NTSR1: variants seen among roughly 807,000 people sequenced by gnomAD.
The protein encoded by NTSR1 is neurotensin receptor type 1.
A neutral mutation model predicts 31.2 loss-of-function variants in NTSR1; 29 were observed. The ratio of observed to expected loss-of-function variants is 0.93; its 90% CI spans 0.69 to 1.27. The LOEUF (loss-of-function observed/expected upper bound fraction) is 1.27, where lower values mean the gene tolerates loss of function less well. Among genes scored for constraint, NTSR1 ranks in the 50% most tolerant of loss-of-function variants. NTSR1 has a pLI of 0.00. For missense variants in NTSR1, 697 were observed against 595.4 expected (o/e 1.17, Z -1.78); for synonymous variants, 282 against 269.9 (o/e 1.04, Z -0.44).
intron 1 of NTSR1, among the ~76,000 whole-genome samples, chr20:62,713,043 C>G (rs1424210360): frequency 6.6e-6 from 1 of 152,164 alleles, no homozygotes; most frequent in Non-Finnish European, 1.5e-5. Flanking sequence ...GTGGCTGCAG[C>G]CTTTGAAACA....
chr20:62,721,369 TTTCCATGG>T (rs1212674532), intron 1 of NTSR1, among the ~76,000 whole-genome samples: 1 of 152,222 alleles, frequency 6.6e-6, no homozygotes, highest in Non-Finnish European at 1.5e-5. Flanking sequence ...GTTAGTCCCA[TTTCCATGG>T]TTCTTTTTCT....
At chr20:62,750,555 G>C (rs573824431) in intron 1 of NTSR1, among the ~76,000 whole-genome samples, 14 of 152,198 alleles carry the variant, frequency 9.2e-5, no homozygotes, top group Middle Eastern at 3.4e-3. Flanking sequence ...GCTGGGCATG[G>C]TGGCGGGCGC....
chr20:62,760,863 G>A lies in NTSR1; in HGVS notation c.*596G>A, dbSNP rs1309643200. ...TGGCAAGCTGGGGGCCCATCGCCGT[G>A]GGGAGTCCCTCCCACCACCCTCGCC... is the stretch of plus-strand genomic sequence containing the variant. On this transcript the variant is annotated 3_prime_UTR_variant, in exon 4 of 4. Coordinates refer to ENST00000370501, the MANE Select transcript of NTSR1 (RefSeq NM_002531.3). 6.5e-6 allele frequency: 1 copy of A among 152,732 alleles called. No homozygotes were observed. Among genetic ancestry groups the A allele is most frequent in the East Asian group, 1.9e-4 (1 of 5,186 alleles). 9.5% of individuals were successfully genotyped at this position (152,732 alleles called of 1,614,324 possible).
rs190055795 is a variant in NTSR1, at chr20:62,719,021, G to T, written c.714+9100G>T. Among the ~76,000 whole-genome samples the T allele has an allele frequency of 9.9e-5, 15 of 152,024 alleles. 1 individual carries two copies. The highest frequency in any genetic ancestry group is 7.9e-4 in the Admixed American group (12 of 15,264). ...TCACTCTGCATCCTGGCCAGCTCCT[G>T]GTCTTGCCTCACTGCTCTGGCTATG... is the stretch of plus-strand genomic sequence containing the variant. On this transcript the variant is annotated intron_variant, in intron 1 of 3. Coordinates refer to ENST00000370501, the MANE Select transcript of NTSR1 (RefSeq NM_002531.3).
chr20:62,709,951 C>T, intron 1 of NTSR1, 30 bp downstream of exon 1: 4 of 1,500,926 alleles, frequency 2.7e-6, no homozygotes, highest in South Asian at 1.3e-5. Context: ...CCCGGGGCTC[C>T]CCTCTCCTTC....
Position 62,709,947 on chromosome 20 carries a change from G to A in NTSR1, c.714+26G>A, listed in dbSNP as rs376638007. 22 of 1,528,714 alleles carry A rather than the reference G, an allele frequency of 1.4e-5. No homozygotes were observed. The Admixed American group carries it at 2.1e-4, about 15-fold the overall frequency. 94.7% of individuals were successfully genotyped at this position (1,528,714 alleles called of 1,614,324 possible). On this transcript the variant is annotated intron_variant, in intron 1 of 3. Coordinates refer to ENST00000370501, the MANE Select transcript of NTSR1 (RefSeq NM_002531.3). ...GTGAGCCTCAGTAACCAGCCCCGGG[G>A]CTCCCCTCTCCTTCACCCCAAAAGC... is the stretch of plus-strand genomic sequence containing the variant.
In NTSR1 at chr20:62,745,255, A is replaced by G. The variant is rs1032044419; in HGVS notation, c.715-9430A>G. Reference sequence around the variant, plus strand: ...GACACAGAGAGGAAAGCAGAGACACAGAGAGACATGGAGAGAGACACAGAG... The same window carrying G: ...GACACAGAGAGGAAAGCAGAGACACGGAGAGACATGGAGAGAGACACAGAG... On this transcript the variant is annotated intron_variant, in intron 1 of 3. Transcript: ENST00000370501. This position sits in a 1 kb window ranked among gnomAD's most constrained non-coding sequence, Gnocchi z 4.1. Among the ~76,000 whole-genome samples the G allele has an allele frequency of 3.3e-5, 5 of 152,208 alleles. No homozygotes were observed. The highest frequency in any genetic ancestry group is 7.2e-5 in the African/African-American group (3 of 41,454).
rs1346308561 is a variant in NTSR1, at chr20:62,715,565, G to A, written c.714+5644G>A. On this transcript the variant is annotated intron_variant, in intron 1 of 3. Transcript: ENST00000370501. The surrounding 1 kb of genome is among the most constrained non-coding windows in gnomAD (Gnocchi z 4.7). Reference sequence around the variant, plus strand: ...GGCTCTGACTGGGCTTGGAGTCCTCGAGAGTGACTTGGCCCAGAGTGGTTC... The same window carrying A: ...GGCTCTGACTGGGCTTGGAGTCCTCAAGAGTGACTTGGCCCAGAGTGGTTC... Among the ~76,000 whole-genome samples, 2 of 152,218 alleles carry A rather than the reference G, an allele frequency of 1.3e-5. No individual in the cohort carries two copies. Among genetic ancestry groups the A allele is most frequent in the South Asian group, 2.1e-4 (1 of 4,834 alleles).
rs1408106195 is a variant in NTSR1 at position 62,709,971 on chromosome 20, G to A, written c.714+50G>A. 40 of 1,394,856 alleles carry A rather than the reference G, an allele frequency of 2.9e-5. No individual in the cohort carries two copies. The Admixed American group carries it at 8.6e-4, about 30-fold the overall frequency. The allele number at this position is 1,394,856 out of a possible 1,614,324, so 86.4% of individuals were successfully genotyped here. A position where few individuals can be genotyped will look rare whatever the true frequency, so the allele number is the denominator to read the frequency against. ...GGCTCCCCTCTCCTTCACCCCAAAA[G>A]CAGTGCCAGTGGTGTGCCTTCTGGG... On this transcript the variant is annotated intron_variant, in intron 1 of 3. Coordinates refer to ENST00000370501, the MANE Select transcript of NTSR1 (RefSeq NM_002531.3).
chr20:62,738,376 T>C (rs1989143122), intron 1 of NTSR1, among the ~76,000 whole-genome samples: 1 of 152,230 alleles, frequency 6.6e-6, no homozygotes, highest in African/African-American at 2.4e-5. Flanking sequence ...GGGAGAAGCC[T>C]GCAGCTGTGG....
rs1334507362 is a variant in NTSR1 at position 62,715,245 on chromosome 20, C to G, written c.714+5324C>G. Among the ~76,000 whole-genome samples, 2 of 152,188 alleles carry G rather than the reference C, an allele frequency of 1.3e-5. No homozygotes were observed. Among genetic ancestry groups the G allele is most frequent in the Non-Finnish European group, 2.9e-5 (2 of 68,040 alleles). ...TGAGAGGGCAGGACAGGGAGGTGAC[C>G]TTGGCCTTGTTCCAGGCACCAGACC... On this transcript the variant is annotated intron_variant, in intron 1 of 3. Coordinates refer to ENST00000370501, the MANE Select transcript of NTSR1 (RefSeq NM_002531.3). The surrounding 1 kb of genome is among the most constrained non-coding windows in gnomAD (Gnocchi z 4.7).
rs1306809384 is a variant in NTSR1 at position 62,761,346 on chromosome 20, C to T, written c.*1079C>T. ...GAAGGAGCGGTGTGTCCAGGCACCGCTGGCCGGCAGCCCTGGGCTGAGGCA... is the reference window on the plus strand; with the variant it reads ...GAAGGAGCGGTGTGTCCAGGCACCGTTGGCCGGCAGCCCTGGGCTGAGGCA... On this transcript the variant is annotated 3_prime_UTR_variant, in exon 4 of 4. Transcript: ENST00000370501. 2.0e-5 allele frequency: 3 copies of T among 152,266 alleles called. No homozygotes were observed. The highest frequency in any genetic ancestry group is 2.9e-5 in the Non-Finnish European group (2 of 68,078). The allele number at this position is 152,266 out of a possible 1,614,324, so 9.4% of individuals were successfully genotyped here. A position where few individuals can be genotyped will look rare whatever the true frequency, so the allele number is the denominator to read the frequency against.
intron 1 of NTSR1, among the ~76,000 whole-genome samples, chr20:62,721,809 G>A (rs1988830997): frequency 6.6e-6 from 1 of 152,198 alleles, no homozygotes; most frequent in Non-Finnish European, 1.5e-5. Context: ...GGAAGCCCGA[G>A]TATTCCATGT....
intron 1 of NTSR1, among the ~76,000 whole-genome samples, chr20:62,747,039 C>CA (rs1989312381): frequency 6.6e-6 from 1 of 152,358 alleles, no homozygotes; most frequent in Middle Eastern, 3.4e-3. Flanking sequence ...AAGGCTCATC[C>CA]ACCATGAGCA....
At chr20:62,726,178 G>T (rs1308187448) in intron 1 of NTSR1, among the ~76,000 whole-genome samples, 1 of 152,168 alleles carries the variant, frequency 6.6e-6, no homozygotes, top group Non-Finnish European at 1.5e-5. Flanking sequence ...CTGTGGGGCT[G>T]CCATTGTCCT....
At chr20:62,746,048 A>G (rs1424651149) in intron 1 of NTSR1, among the ~76,000 whole-genome samples, 1 of 152,228 alleles carries the variant, frequency 6.6e-6, no homozygotes, top group East Asian at 1.9e-4. Context: ...TGAGACGCCT[A>G]GAGAGGTAGA....
chr20:62,739,996 C>A (rs983302034), intron 1 of NTSR1, among the ~76,000 whole-genome samples: 1 of 152,380 alleles, frequency 6.6e-6, no homozygotes, highest in African/African-American at 2.4e-5. Context: ...AGCTGCAGGG[C>A]CTCCCCCTTG....
rs1262095114 is a variant in NTSR1, at chr20:62,745,162, G to C, written c.715-9523G>C. Among the ~76,000 whole-genome samples the C allele has an allele frequency of 1.3e-5, 2 of 152,188 alleles. No homozygotes were observed. The highest frequency in any genetic ancestry group is 2.9e-5 in the Non-Finnish European group (2 of 68,038). Reference sequence around the variant, plus strand: ...GGCCCAGCCAGTTCCTGCCACCTGAGGATGTTGGTACACACACCAGACTCA... The same window carrying C: ...GGCCCAGCCAGTTCCTGCCACCTGACGATGTTGGTACACACACCAGACTCA... On this transcript the variant is annotated intron_variant, in intron 1 of 3. Transcript: ENST00000370501. The surrounding 1 kb of genome is among the most constrained non-coding windows in gnomAD (Gnocchi z 4.1).
At chr20:62,759,924 C>G in intron 3 of NTSR1, 94 bp from the exon 4 acceptor site, 1 of 1,280,994 alleles carries the variant, frequency 7.8e-7, no homozygotes, top group Non-Finnish European at 1.1e-6. Context: ...GTCTGAGCCA[C>G]CACGTCCCTC....
Sources: gnomAD v4.1 joint callset for allele counts (sites outside exome capture counted in the v4.1 genomes callset) on GRCh38, gnomAD v4.1.1 for gene constraint, Gnocchi (gnomAD v3.1) non-coding constraint, MANE v1.5 for transcripts, NCBI Gene and HGNC (gene_info 2026-07-23, HGNC 2026-07-21) for gene names.